BMP8B: variants seen among roughly 807,000 people sequenced by gnomAD.
BMP8B encodes bone morphogenetic protein 8b.
In BMP8B, 17 loss-of-function variants were observed where a neutral mutation model predicts 30.3. That is an observed-to-expected ratio of 0.56 (90% CI 0.38 to 0.84). The LOEUF is 0.84. Ranked by LOEUF, BMP8B falls within the 40% of genes least tolerant of loss-of-function variation. The probability of loss-of-function intolerance (pLI) is 0.00; values close to 1 mark genes in which losing one functional copy is unlikely to be tolerated. For synonymous variants in BMP8B, 131 were observed against 214.7 expected (o/e 0.61, Z 3.41); for missense variants, 253 against 494.6 (o/e 0.51, Z 4.63).
chr1:39,758,196 A>G lies in BMP8B; in HGVS notation c.*2223T>C, dbSNP rs1258990680. The G allele has an allele frequency of 1.3e-5, 2 of 152,250 alleles. No individual in the cohort carries two copies. Among genetic ancestry groups the G allele is most frequent in the Non-Finnish European group, 2.9e-5 (2 of 68,048 alleles). The allele number at this position is 152,250 out of a possible 1,614,324, so 9.4% of individuals were successfully genotyped here. On this transcript the variant is annotated 3_prime_UTR_variant, in exon 7 of 7. Transcript: ENST00000372827. ...AGACCATCTTTGATGTTAAGAAGGA[A>G]CAATTAAGTAAATACTAGGATGGCA...
chr1:39,771,592 TTCCCCCCA>T (rs1649983537), intron 3 of BMP8B, among the ~76,000 whole-genome samples: 1 of 150,822 alleles, frequency 6.6e-6, no homozygotes, highest in Non-Finnish European at 1.5e-5. Flanking sequence ...CCGCCCAAGC[TTCCCCCCA>T]GCTTCCCCAG....
chr1:39,780,323 T>C (rs1488197674), intron 1 of BMP8B, among the ~76,000 whole-genome samples: 1 of 152,220 alleles, frequency 6.6e-6, no homozygotes, highest in South Asian at 2.1e-4. Flanking sequence ...AGAAGTTAAC[T>C]GATTTGCACA....
In BMP8B at chr1:39,760,288, A is replaced by G; in HGVS notation, c.*131T>C. ...AGCCTGGCATGAAGGAGAAAGGGTCATGTACGTGGTTGTGAGGGTCCTCCC... is the reference window on the plus strand; with the variant it reads ...AGCCTGGCATGAAGGAGAAAGGGTCGTGTACGTGGTTGTGAGGGTCCTCCC... On this transcript the variant is annotated 3_prime_UTR_variant, in exon 7 of 7. Transcript: ENST00000372827. The G allele has an allele frequency of 7.2e-7, 1 of 1,393,682 alleles. No homozygotes were observed. The highest frequency in any genetic ancestry group is 2.4e-5 in the East Asian group (1 of 41,404). The allele number at this position is 1,393,682 out of a possible 1,614,324, so 86.3% of individuals were successfully genotyped here. A position where few individuals can be genotyped will look rare whatever the true frequency, so the allele number is the denominator to read the frequency against.
Position 39,760,453 on chromosome 1 carries a change from C to A in BMP8B, c.1175G>T (p.Arg392Leu), listed in dbSNP as rs141647099. The A allele has an allele frequency of 5.0e-6, 8 of 1,614,090 alleles. No individual in the cohort carries two copies. The East Asian group carries it at 1.8e-4, about 36-fold the overall frequency. The change falls in exon 7 of 7, where the codon CGC becomes CTC. Residue 392 changes from arginine to leucine, a missense_variant. Transcript: ENST00000372827. ...GCCGCAGGCCTTGACCACCATGTTG[C>A]GGTGCTTGCGCAGGATGACATTGTT... ...SSNNVILRKH[R>L]NMVVKACGCH
chr1:39,763,434 C>T (rs866887961), intron 5 of BMP8B, among the ~76,000 whole-genome samples: 1 of 145,494 alleles, frequency 6.9e-6, no homozygotes, highest in African/African-American at 2.6e-5. Context: ...GAGCTGCAGT[C>T]GTAGCCAATG....
Position 39,760,421 on chromosome 1 carries a change from A to T in BMP8B, c.1207T>A (p.Ter403ArgextTer64), listed in dbSNP as rs945156683. 3 of 1,613,600 alleles carry T rather than the reference A, an allele frequency of 1.9e-6. No homozygotes were observed. In the African/African-American group the frequency reaches 4.0e-5, roughly 22 times the overall value. The change falls in exon 7 of 7, where the codon TGA becomes AGA. Residue 403 changes from the stop codon to arginine, a stop_lost. Transcript: ENST00000372827. ...NMVVKACGCH[*>R] is the part of the protein sequence containing the mutation. ...GCAGCTGGGCCGGGCGGGTGGACTC[A>T]GTGGCAGCCGCAGGCCTTGACCACC...
Position 39,774,854 on chromosome 1 carries a change from G to A in BMP8B, c.519C>T (p.Ser173=). The A allele has an allele frequency of 7.7e-6, 6 of 777,992 alleles. No individual in the cohort carries two copies. The highest frequency in any genetic ancestry group is 1.2e-5 in the Non-Finnish European group (6 of 509,476). 48.2% of individuals were successfully genotyped at this position (777,992 alleles called of 1,614,324 possible). Residue 173 remains serine (S), a synonymous_variant, in exon 2 of 7, where the codon TCC becomes TCT. Coordinates refer to ENST00000372827, the MANE Select transcript of BMP8B (RefSeq NM_001720.5). ...VSMFQVVQEQ[S]NRESDLFFLD... ...CCGGGCCAAGGGGAAGGCACCTGTTGGACTGCTCCTGGACCACCTGGAACA... is the reference window on the plus strand; with the variant it reads ...CCGGGCCAAGGGGAAGGCACCTGTTAGACTGCTCCTGGACCACCTGGAACA...
chr1:39,781,191 T>C (rs1056608881), intron 1 of BMP8B, among the ~76,000 whole-genome samples: 3 of 152,208 alleles, frequency 2.0e-5, no homozygotes, highest in Non-Finnish European at 2.9e-5. Flanking sequence ...GGAGTGTTCA[T>C]AGACTGCTCT....
At chr1:39,781,112 C>T (rs563693778) in intron 1 of BMP8B, among the ~76,000 whole-genome samples, 3 of 152,344 alleles carry the variant, frequency 2.0e-5, no homozygotes, top group Admixed American at 6.5e-5. Context: ...TGGGGCTATA[C>T]TTTTATTAGC....
chr1:39,782,166 C>CA (rs967031453), intron 1 of BMP8B, among the ~76,000 whole-genome samples: 27 of 129,708 alleles, frequency 2.1e-4, no homozygotes, highest in African/African-American at 7.6e-4. Flanking sequence ...AAAAAAAAAA[C>CA]AAAAAAAACC....
chr1:39,783,691 T>C (rs1650805410), intron 1 of BMP8B, among the ~76,000 whole-genome samples: 2 of 152,224 alleles, frequency 1.3e-5, no homozygotes, highest in Non-Finnish European at 2.9e-5. Flanking sequence ...GAGGATCAGA[T>C]GAGGCCAGGA....
intron 6 of BMP8B, chr1:39,761,217 T>TG (rs1400016071): frequency 6.5e-6 from 1 of 152,706 alleles, no homozygotes; most frequent in Non-Finnish European, 1.5e-5. Context: ...CAGCGGAACA[T>TG]GGAGTTCCTC....
At chr1:39,762,319 G>A (rs1649103761) in intron 6 of BMP8B, 1 of 589,196 alleles carries the variant, frequency 1.7e-6, no homozygotes, top group East Asian at 3.3e-5. Flanking sequence ...CGATTACAGG[G>A]TGAGCCACCG....
chr1:39,780,618 G>A (rs1007280977), intron 1 of BMP8B, among the ~76,000 whole-genome samples: 6 of 152,232 alleles, frequency 3.9e-5, no homozygotes, highest in African/African-American at 9.6e-5. Context: ...GAGGCCAGGC[G>A]CAGTGGCTCA....
At chr1:39,767,095 G>A (rs1357062588) in intron 3 of BMP8B, among the ~76,000 whole-genome samples, 4 of 151,886 alleles carry the variant, frequency 2.6e-5, no homozygotes, top group Non-Finnish European at 5.9e-5. Flanking sequence ...CTTATGGGGG[G>A]TCTCCCAGAC....
In BMP8B at chr1:39,788,428, C is replaced by T. The variant is rs902673625; in HGVS notation, c.58G>A (p.Gly20Arg). The T allele has an allele frequency of 1.3e-4, 132 of 1,038,760 alleles. No individual in the cohort carries two copies. The highest frequency in any genetic ancestry group is 1.4e-4 in the Non-Finnish European group (121 of 866,374). The allele number at this position is 1,038,760 out of a possible 1,614,324, so 64.3% of individuals were successfully genotyped here. A position where few individuals can be genotyped will look rare whatever the true frequency, so the allele number is the denominator to read the frequency against. ...LLGLALCALG[G>R]GGPGLRPPPG... ...GGGGGTCGCAGGCCGGGGCCGCCCC[C>T]GCCCAGCGCGCATAGCGCCAGGCCC... The change falls in exon 1 of 7, where the codon GGG becomes AGG. Residue 20 changes from glycine to arginine, a missense_variant. By Grantham distance (125) the Gly-to-Arg change is moderately radical. Around this residue, in one of 7 missense-constraint regions of BMP8B, gnomAD observed 54 missense variants for 70.8 expected, o/e 0.76. Transcript: ENST00000372827. The surrounding 1 kb of genome is among the most constrained non-coding windows in gnomAD (Gnocchi z 5.8).
intron 1 of BMP8B, among the ~76,000 whole-genome samples, chr1:39,781,841 T>C (rs1650657251): frequency 6.6e-6 from 1 of 152,050 alleles, no homozygotes; most frequent in Admixed American, 6.6e-5. Context: ...CCTTGGGCAG[T>C]TCTTTAGGCC....
intron 1 of BMP8B, among the ~76,000 whole-genome samples, chr1:39,781,308 G>A (rs970384260): frequency 1.3e-5 from 2 of 152,196 alleles, no homozygotes; most frequent in African/African-American, 4.8e-5. Flanking sequence ...AGGAACGGCT[G>A]CTACTCAAGA....
chr1:39,762,640 G>A (rs1159372713), intron 6 of BMP8B: 16 of 1,544,134 alleles, frequency 1.0e-5, no homozygotes, highest in African/African-American at 2.8e-5. Context: ...TCCTGCCTGC[G>A]GTGCGGCACA....
Sources: allele counts gnomAD v4.1 joint callset (sites outside exome capture counted in the v4.1 genomes callset), GRCh38; gene constraint gnomAD v4.1.1; regional missense constraint gnomAD v4.1.1; non-coding constraint Gnocchi (gnomAD v3.1); transcripts MANE v1.5; gene names NCBI Gene and HGNC (gene_info 2026-07-23, HGNC 2026-07-21).